Variants in MICAL1 observed in about 807,000 individuals in gnomAD.
MICAL1 encodes the protein microtubule associated monooxygenase, calponin and LIM domain containing 1.
A neutral mutation model predicts 131.8 loss-of-function variants in MICAL1; 95 were observed. The ratio of observed to expected loss-of-function variants is 0.72; its 90% CI spans 0.61 to 0.86. MICAL1 has a LOEUF of 0.86. Ranked by LOEUF, MICAL1 falls within the 40% of genes least tolerant of loss-of-function variation. MICAL1 has a pLI of 0.00. For synonymous variants in MICAL1, 546 were observed against 554.2 expected, an observed-to-expected ratio of 0.99 and a Z score of 0.21; for missense variants, 1,292 against 1,380.6, an observed-to-expected ratio of 0.94 and a Z score of 1.02.
At chr6:109,448,602 A>G in intron 12 of MICAL1, 130 bp downstream of exon 12, 1 of 1,392,410 alleles carries the variant, frequency 7.2e-7, no homozygotes, top group Admixed American at 1.8e-5. Flanking sequence ...GCTCTCCACT[A>G]TCTGAATGCA....
chr6:109,465,824 A>G, exon 1 of MICAL1: 1 of 1,614,188 alleles, frequency 6.2e-7, no homozygotes, highest in Non-Finnish European at 8.5e-7. Context: ...AGAAGAGCCC[A>G]ATCAAGCAGT....
At chr6:109,459,908 C>A (rs1775843912), upstream of MICAL1, among the ~76,000 whole-genome samples, 1 of 152,162 alleles carries the variant, frequency 6.6e-6, no homozygotes, top group Non-Finnish European at 1.5e-5. Context: ...TTTCATTTAA[C>A]AAGGATAGTC....
rs1798519348 is a variant in MICAL1 at position 109,455,160 on chromosome 6, C to A, written c.-44+559G>T. Among the ~76,000 whole-genome samples the A allele has an allele frequency of 1.3e-5, 2 of 152,172 alleles. No individual in the cohort carries two copies. Among genetic ancestry groups the A allele is most frequent in the African/African-American group, 2.4e-5 (1 of 41,444 alleles). The stretch of plus-strand genomic sequence containing the variant: ...GAAGGGTGCCCGAGGGGGTTTCTCA[C>A]GCGGGGCCCAGAAGGTATCAGAGGG... On this transcript the variant is annotated intron_variant, in intron 1 of 24. Transcript: ENST00000358807. This position sits in a 1 kb window ranked among gnomAD's most constrained non-coding sequence, Gnocchi z 4.7.
chr6:109,447,485 C>A, intron 15 of MICAL1, 45 bp from the exon 16 acceptor site: 2 of 1,581,350 alleles, frequency 1.3e-6, no homozygotes, highest in Non-Finnish European at 1.7e-6. Context: ...GGGGCAGGGC[C>A]AGCTGGGAGG....
rs1775257350 is a variant in MICAL1, at chr6:109,447,068, C to T, written c.2227+5G>A. The stretch of plus-strand genomic sequence containing the variant: ...TCTCTCTGGAGGTCTCCCAGGCCCA[C>T]TCACCATCTCCTGGGTGCTGCTCGT... On this transcript the variant is annotated splice_donor_5th_base_variant and intron_variant, in intron 17 of 24. Coordinates refer to ENST00000358807, the MANE Select transcript of MICAL1 (RefSeq NM_022765.4). The T allele has an allele frequency of 6.2e-7, 1 of 1,613,542 alleles. No homozygotes were observed. The highest frequency in any genetic ancestry group is 8.5e-7 in the Non-Finnish European group (1 of 1,179,782).
chr6:109,445,512 G>A lies in MICAL1; in HGVS notation c.2691C>T (p.Ala897=), dbSNP rs138031827. 1.7e-5 allele frequency: 28 copies of A among 1,613,984 alleles called. No homozygotes were observed. Among genetic ancestry groups the A allele is most frequent in the Non-Finnish European group, 2.4e-5 (28 of 1,180,054 alleles). ...AGTTATTCATGGTGCCTGAGGTCTTGGCAAAGGTCTGCAGGGCCTATAGGA... is the reference window on the plus strand; with the variant it reads ...AGTTATTCATGGTGCCTGAGGTCTTAGCAAAGGTCTGCAGGGCCTATAGGA... ...SDVEQALQTF[A]KTSGTMNNYP... The change falls in exon 21 of 25, where the codon GCC becomes GCT. Residue 897 remains alanine (A), a synonymous_variant. Transcript: ENST00000358807.
Position 109,448,289 on chromosome 6 carries a change from G to T in MICAL1, c.1769C>A (p.Ala590Asp). The change falls in exon 13 of 25, where the codon GCC becomes GAC. Residue 590 changes from alanine to aspartate, a missense_variant. Physicochemically the swap from Ala to Asp is moderately radical, Grantham distance 126 (BLOSUM62 -2). Coordinates refer to ENST00000358807, the MANE Select transcript of MICAL1 (RefSeq NM_022765.4). ...CAGTGGGTCACTCCCTGCTACCACGGCCTGTGCAGACACCACCGGTGTGAT... is the reference window on the plus strand; with the variant it reads ...CAGTGGGTCACTCCCTGCTACCACGTCCTGTGCAGACACCACCGGTGTGAT... ...LGITPVVSAQAVVAGSDPLGL... is the reference protein window; with the variant it reads ...LGITPVVSAQDVVAGSDPLGL... 6.2e-7 allele frequency: 1 copy of T among 1,613,930 alleles called. No individual in the cohort carries two copies. The highest frequency in any genetic ancestry group is 8.5e-7 in the Non-Finnish European group (1 of 1,180,008).
intron 18 of MICAL1, 44 bp downstream of exon 18, chr6:109,446,652 C>T: frequency 6.3e-7 from 1 of 1,592,346 alleles, no homozygotes; most frequent in South Asian, 1.1e-5. Flanking sequence ...AGACCCTCTT[C>T]CTCTTCCCAT....
rs768062819 is a variant in MICAL1 at position 109,448,762 on chromosome 6, G to T, written c.1634C>A (p.Ala545Asp). 6.2e-7 allele frequency: 1 copy of T among 1,614,062 alleles called. No homozygotes were observed. Among genetic ancestry groups the T allele is most frequent in the Non-Finnish European group, 8.5e-7 (1 of 1,179,976 alleles). Reference sequence around the variant, plus strand: ...GCCAGGCTGCAGCCGGTACACCAGGGCACACAGAGCTAGCCCATCAGCCCA... The same window carrying T: ...GCCAGGCTGCAGCCGGTACACCAGGTCACACAGAGCTAGCCCATCAGCCCA... ...SSWADGLALC[A>D]LVYRLQPGLL... The change falls in exon 12 of 25, where the codon GCC (alanine) becomes GAC (aspartate). Residue 545 changes from alanine (A) to aspartate (D), a missense_variant. By Grantham distance (126) the Ala-to-Asp change is moderately radical. Coordinates refer to ENST00000358807, the MANE Select transcript of MICAL1 (RefSeq NM_022765.4).
chr6:109,447,917 G>A lies in MICAL1; in HGVS notation c.1902C>T (p.Phe634=). Reference sequence around the variant, plus strand: ...GCAGGGTCCTCTGAAGTTTACTAAGGAATAATACAGCACTGGAGGTCCCTG... The same window carrying A: ...GCAGGGTCCTCTGAAGTTTACTAAGAAATAATACAGCACTGGAGGTCCCTG... ...ASPGTSSAVL[F]LSKLQRTLQR... Residue 634 remains phenylalanine, a synonymous_variant, in exon 14 of 25, where the codon TTC becomes TTT. Transcript: ENST00000358807. 2 of 1,613,276 alleles carry A rather than the reference G, an allele frequency of 1.2e-6. No homozygotes were observed. Among genetic ancestry groups the A allele is most frequent in the African/African-American group, 1.3e-5 (1 of 74,930 alleles).
chr6:109,450,364 G>A lies in MICAL1; in HGVS notation c.1127C>T (p.Ala376Val). The A allele has an allele frequency of 6.2e-7, 1 of 1,612,768 alleles. No homozygotes were observed. The highest frequency in any genetic ancestry group is 1.7e-5 in the Admixed American group (1 of 60,024). Residue 376 changes from alanine to valine, a missense_variant, in exon 8 of 25, where the codon GCT (alanine) becomes GTT (valine). Transcript: ENST00000358807. ...FTSMMRAESS[A>V]RVQEKHGARL... ...GGCGCCATGCTTCTCTTGCACACGA[G>A]CAGAACTCTCTGCCCGCATCATGCT...
Position 109,447,163 on chromosome 6 carries a change from T to C in MICAL1, c.2137A>G (p.Asn713Asp). Reference sequence around the variant, plus strand: ...CAGCTCCGGTGGAAGAAATGGCCGTTGACACAGAGGCGTTCCAGGACATAG... The same window carrying C: ...CAGCTCCGGTGGAAGAAATGGCCGTCGACACAGAGGCGTTCCAGGACATAG... ...HLYVLERLCV[N>D]GHFFHRSCFR... The change falls in exon 17 of 25, where the codon AAC (asparagine) becomes GAC (aspartate). Residue 713 changes from asparagine to aspartate, a missense_variant. By Grantham distance (23) the Asn-to-Asp change is conservative. Coordinates refer to ENST00000358807, the MANE Select transcript of MICAL1 (RefSeq NM_022765.4). The C allele has an allele frequency of 6.2e-7, 1 of 1,614,174 alleles. No individual in the cohort carries two copies.
chr6:109,459,052 CA>C (rs1775829494), upstream of MICAL1, among the ~76,000 whole-genome samples: 1 of 152,144 alleles, frequency 6.6e-6, no homozygotes, highest in Non-Finnish European at 1.5e-5. Flanking sequence ...ACAAAGCCTT[CA>C]GGCAGGAAAG....
At chr6:109,448,926 C>T (rs1379794071) in intron 11 of MICAL1, 47 bp from the exon 12 acceptor site, 1 of 1,606,358 alleles carries the variant, frequency 6.2e-7, no homozygotes, top group Non-Finnish European at 8.5e-7. Context: ...CTGCCCATCC[C>T]AGGCATATAG....
Position 109,450,456 on chromosome 6 carries a change from C to G in MICAL1, c.1035G>C (p.Lys345Asn), listed in dbSNP as rs763034424. 7 of 1,613,412 alleles carry G rather than the reference C, an allele frequency of 4.3e-6. No homozygotes were observed. The change falls in exon 8 of 25, where the codon AAG (lysine) becomes AAC (asparagine). Residue 345 changes from lysine (K) to asparagine (N), a missense_variant. Physicochemically the swap from Lys to Asn is moderately conservative, Grantham distance 94. Coordinates refer to ENST00000358807, the MANE Select transcript of MICAL1 (RefSeq NM_022765.4). ...RAAADFATHG[K>N]LGKLEFAQDA... ...CCTGGGCAAACTCTAGTTTCCCGAG[C>G]TTGCCATGGGTGGCAAAGTCAGCAG...
chr6:109,460,222 A>T (rs1039264631), upstream of MICAL1, among the ~76,000 whole-genome samples: 7 of 151,960 alleles, frequency 4.6e-5, no homozygotes, highest in Non-Finnish European at 7.4e-5. Context: ...TGGGAGGCTG[A>T]GGTGGGAGGA....
intron 4 of MICAL1, 97 bp from the exon 5 acceptor site, chr6:109,452,712 A>T: frequency 2.3e-6 from 2 of 859,954 alleles, no homozygotes; most frequent in East Asian, 2.7e-5. Flanking sequence ...CGTGTAAAGG[A>T]CTCTCTGGTT....
Position 109,448,227 on chromosome 6 carries a change from A to C in MICAL1, c.1831T>G (p.Phe611Val), listed in dbSNP as rs1447269130. 1 of 1,613,040 alleles carries C rather than the reference A, an allele frequency of 6.2e-7. No individual in the cohort carries two copies. Among genetic ancestry groups the C allele is most frequent in the Non-Finnish European group, 8.5e-7 (1 of 1,179,978 alleles). The change falls in exon 13 of 25, where the codon TTC becomes GTC. Residue 611 changes from phenylalanine (F) to valine (V), a missense_variant. Coordinates refer to ENST00000358807, the MANE Select transcript of MICAL1 (RefSeq NM_022765.4). The stretch of plus-strand genomic sequence containing the variant: ...CCTGGGCTGTGGGCCATGCTCTTGA[A>C]GGCACTGTGGAAGTGGCTGAGGTAG... ...IAYLSHFHSAFKSMAHSPGPV... is the reference protein window; with the variant it reads ...IAYLSHFHSAVKSMAHSPGPV...
intron 17 of MICAL1, 94 bp from the exon 18 acceptor site, chr6:109,446,866 C>T: frequency 3.0e-6 from 4 of 1,344,942 alleles, no homozygotes; most frequent in African/African-American, 1.4e-5. Context: ...GAAAACAAGA[C>T]AGATTTGCAG....
Sources: gnomAD v4.1 joint callset for allele counts (sites outside exome capture counted in the v4.1 genomes callset) on GRCh38, gnomAD v4.1.1 for gene constraint, Gnocchi (gnomAD v3.1) non-coding constraint, MANE v1.5 for transcripts, NCBI Gene and HGNC (gene_info 2026-07-23, HGNC 2026-07-21) for gene names.